Variants in WDPCP observed in about 807,000 individuals in gnomAD.
WDPCP encodes WD repeat containing planar cell polarity effector.
WDPCP carries 71 observed loss-of-function variants against 93.1 expected under a neutral mutation model. The observed-to-expected ratio is 0.76, with a 90% CI of 0.63 to 0.93. The LOEUF (loss-of-function observed/expected upper bound fraction) is 0.93. Ranked by LOEUF, WDPCP falls within the 40% of genes least tolerant of loss-of-function variation. WDPCP has a pLI of 0.00. For synonymous variants in WDPCP, 315 were observed against 315.0 expected (o/e 1.00, Z 0.00); for missense variants, 844 against 887.4 (o/e 0.95, Z 0.62).
At chr2:63,807,681 CTATAAG>C (rs1426473306) in intron 2 of WDPCP, among the ~76,000 whole-genome samples, 2 of 152,158 alleles carry the variant, frequency 1.3e-5, no homozygotes, top group Admixed American at 6.5e-5. Context: ...TTTAAAATCA[CTATAAG>C]TATGTTTTCC....
intron 2 of WDPCP, among the ~76,000 whole-genome samples, chr2:63,775,557 A>T (rs991583524): frequency 2.0e-5 from 3 of 152,232 alleles, no homozygotes; most frequent in Admixed American, 1.3e-4. Context: ...CTCAGAGTCC[A>T]TGTATACATC....
At chr2:63,745,764 C>G (rs1669785636) in intron 2 of WDPCP, among the ~76,000 whole-genome samples, 1 of 152,032 alleles carries the variant, frequency 6.6e-6, no homozygotes, top group South Asian at 2.1e-4. Flanking sequence ...CTGTATGACT[C>G]CTGATGAGTA....
chr2:63,209,397 G>T (rs139419307), intron 14 of WDPCP, among the ~76,000 whole-genome samples: 449 of 152,270 alleles, frequency 2.9e-3, no homozygotes, highest in Non-Finnish European at 5.0e-3. Flanking sequence ...TTCCTTGAGA[G>T]ACCTATAGTT....
intron 9 of WDPCP, among the ~76,000 whole-genome samples, chr2:63,421,967 T>C (rs547749800): frequency 6.6e-6 from 1 of 152,328 alleles, no homozygotes; most frequent in South Asian, 2.1e-4. Context: ...AAAAACTCTG[T>C]AGTCCTGAAT....
At position 63,383,186 on chromosome 2, in the gene WDPCP, A is replaced by G. The variant is rs184875468; in HGVS notation, c.1436-1092T>C. ...AAATACACTGGATGTACAAAAAAGCAAAGATATGAATGATTACAGATTTTG... is the reference window on the plus strand; with the variant it reads ...AAATACACTGGATGTACAAAAAAGCGAAGATATGAATGATTACAGATTTTG... On this transcript the variant is annotated intron_variant, in intron 10 of 17. Transcript: ENST00000272321. Among the ~76,000 whole-genome samples the G allele has an allele frequency of 8.4e-4, 128 of 152,304 alleles. 1 individual carries two copies. In the East Asian group the frequency reaches 0.011, roughly 14 times the overall value.
intron 13 of WDPCP, among the ~76,000 whole-genome samples, chr2:63,276,071 C>T (rs1308285444): frequency 6.6e-6 from 1 of 152,092 alleles, no homozygotes; most frequent in Non-Finnish European, 1.5e-5. Context: ...GCAGACATTC[C>T]CCACTACCAG....
At position 63,542,503 on chromosome 2, in the gene WDPCP, G is replaced by A. The variant is rs535441723; in HGVS notation, c.75+45694C>T. Among the ~76,000 whole-genome samples, 66 of 152,282 alleles carry A rather than the reference G, an allele frequency of 4.3e-4. No homozygotes were observed. In the South Asian group the frequency reaches 0.012, roughly 29 times the overall value. On this transcript the variant is annotated intron_variant, in intron 1 of 17. Transcript: ENST00000272321. ...GGTACCATTAAATAGTGGCAATTGCGATAATGGTTATATCTGCAAAGCAGC... is the reference window on the plus strand; with the variant it reads ...GGTACCATTAAATAGTGGCAATTGCAATAATGGTTATATCTGCAAAGCAGC...
chr2:63,736,700 A>G (rs1669644648), intron 2 of WDPCP, among the ~76,000 whole-genome samples: 2 of 152,218 alleles, frequency 1.3e-5, no homozygotes, highest in Admixed American at 1.3e-4. Flanking sequence ...TGCTGGTGCC[A>G]AAGAACAGCT....
At chr2:63,715,327 A>G (rs1669322559) in intron 2 of WDPCP, among the ~76,000 whole-genome samples, 1 of 152,286 alleles carries the variant, frequency 6.6e-6, no homozygotes, top group African/African-American at 2.4e-5. Context: ...AATGCAAAAC[A>G]GCACTTTGTT....
At chr2:63,549,189 G>A (rs1705379596) in intron 1 of WDPCP, among the ~76,000 whole-genome samples, 1 of 146,710 alleles carries the variant, frequency 6.8e-6, no homozygotes, top group South Asian at 2.1e-4. Flanking sequence ...GGCGGAGGCT[G>A]CAGTGAGCCA....
chr2:63,681,692 G>A (rs1710492230), intron 2 of WDPCP, among the ~76,000 whole-genome samples: 2 of 152,122 alleles, frequency 1.3e-5, no homozygotes, highest in Non-Finnish European at 1.5e-5. Context: ...AGTGAATATA[G>A]GCGGTAGGGA....
intron 3 of WDPCP, among the ~76,000 whole-genome samples, chr2:63,604,496 C>T (rs899593199): frequency 2.6e-5 from 4 of 152,134 alleles, no homozygotes; most frequent in Admixed American, 6.5e-5. Flanking sequence ...GTTTCAAGTC[C>T]ACAGTTGTTA....
chr2:63,774,714 C>T (rs1670278831), intron 2 of WDPCP, among the ~76,000 whole-genome samples: 1 of 152,102 alleles, frequency 6.6e-6, no homozygotes, highest in Non-Finnish European at 1.5e-5. Flanking sequence ...CTAGAATAAT[C>T]TTAGAGTCAT....
At chr2:63,477,844 G>A (rs926095177) in intron 6 of WDPCP, 1 of 152,196 alleles carries the variant, frequency 6.6e-6, no homozygotes, top group African/African-American at 2.4e-5. Flanking sequence ...AGAGAGCCAA[G>A]CAAAACAAAA....
intron 13 of WDPCP, among the ~76,000 whole-genome samples, chr2:63,276,853 A>G (rs1488471674): frequency 6.6e-6 from 1 of 152,218 alleles, no homozygotes; most frequent in Non-Finnish European, 1.5e-5. Flanking sequence ...AGATCTAGAC[A>G]TGAAAATACA....
intron 2 of WDPCP, among the ~76,000 whole-genome samples, chr2:63,749,455 A>G (rs909205315): frequency 2.6e-5 from 4 of 152,146 alleles, no homozygotes; most frequent in African/African-American, 9.6e-5. Context: ...GGTGATGTGC[A>G]TTCAGTAGAA....
intron 2 of WDPCP, among the ~76,000 whole-genome samples, chr2:63,767,161 T>C (rs1208398537): frequency 2.6e-5 from 4 of 152,206 alleles, no homozygotes; most frequent in African/African-American, 4.8e-5. Context: ...TTCCTCCATG[T>C]TGTTGTTTGT....
chr2:63,684,412 G>A (rs925062669), intron 2 of WDPCP: 3 of 820,992 alleles, frequency 3.7e-6, no homozygotes, highest in South Asian at 1.4e-5. Flanking sequence ...ACCTCAGATC[G>A]CCCCTACAGC....
upstream of WDPCP, among the ~76,000 whole-genome samples, chr2:63,828,664 A>G (rs1038424265): frequency 3.9e-5 from 6 of 152,172 alleles, no homozygotes; most frequent in African/African-American, 1.4e-4. Context: ...ACACTACTAC[A>G]TACAATCATC....
Sources: gnomAD v4.1 joint callset for allele counts (sites outside exome capture counted in the v4.1 genomes callset) on GRCh38, gnomAD v4.1.1 for gene constraint, MANE v1.5 for transcripts, NCBI Gene and HGNC (gene_info 2026-07-23, HGNC 2026-07-21) for gene names.